The following ZNF813 variants were observed in gnomAD, a reference collection of about 807,000 sequenced individuals.
ZNF813 encodes the protein zinc finger protein 813.
A neutral mutation model predicts 7.2 loss-of-function variants in ZNF813; 3 were observed. The ratio of observed to expected loss-of-function variants is 0.42; its 90% CI spans 0.19 to 1.08. ZNF813 has a LOEUF of 1.08. Among genes scored for constraint, ZNF813 ranks in the 50% least tolerant of loss-of-function variants. ZNF813 has a pLI of 0.30. For missense variants in ZNF813, 714 were observed against 753.3 expected, an observed-to-expected ratio of 0.95 and a Z score of 0.61; for synonymous variants, 227 against 256.3, an observed-to-expected ratio of 0.89 and a Z score of 1.09.
In ZNF813 at chr19:53,483,761, A is replaced by C; in HGVS notation, c.-62A>C. 6.2e-7 allele frequency: 1 copy of C among 1,611,012 alleles called. No homozygotes were observed. On this transcript the variant is annotated 5_prime_UTR_variant, in exon 2 of 4. Coordinates refer to ENST00000396403, the MANE Select transcript of ZNF813 (RefSeq NM_001004301.4). ...TTTCTAACATTCAGGATTGACTTCTAAAGACTCTTGGTATGTGAGGAAGAA... is the reference window on the plus strand; with the variant it reads ...TTTCTAACATTCAGGATTGACTTCTCAAGACTCTTGGTATGTGAGGAAGAA...
rs573472368 is a variant in ZNF813 at position 53,491,405 on chromosome 19, C to T, written c.1173C>T (p.Thr391=). 9.9e-6 allele frequency: 16 copies of T among 1,612,612 alleles called. No homozygotes were observed. The highest frequency in any genetic ancestry group is 1.7e-5 in the Admixed American group (1 of 59,868). ...ATAAGTGTAATGAATGTGGCAAGAC[C>T]TTCAGTCAGGAGTTAACCCTTAAAT... The part of the protein sequence containing the change: ...KPYKCNECGK[T]FSQELTLKCH... Residue 391 remains threonine (T), a synonymous_variant, in exon 4 of 4, where the codon ACC becomes ACT. Coordinates refer to ENST00000396403, the MANE Select transcript of ZNF813 (RefSeq NM_001004301.4).
At chr19:53,488,514 T>C (rs2086444319) in intron 3 of ZNF813, among the ~76,000 whole-genome samples, 1 of 151,758 alleles carries the variant, frequency 6.6e-6, no homozygotes, top group South Asian at 2.1e-4. Context: ...GTTCAAGTGA[T>C]TTTCCTGCCT....
Position 53,492,630 on chromosome 19 carries a change from T to A in ZNF813, c.*544T>A, listed in dbSNP as rs917795973. 6 of 742,236 alleles carry A rather than the reference T, an allele frequency of 8.1e-6. No individual in the cohort carries two copies. In the Admixed American group the frequency reaches 1.2e-4, roughly 14 times the overall value. 46.0% of individuals were successfully genotyped at this position (742,236 alleles called of 1,614,324 possible). ...TCCATGGTGAAGGAAACTTGACTAA[T>A]GTAATGATTGTCACCAAGTCTTCAG... is the stretch of plus-strand genomic sequence containing the variant. On this transcript the variant is annotated 3_prime_UTR_variant, in exon 4 of 4. Transcript: ENST00000396403.
intron 2 of ZNF813, among the ~76,000 whole-genome samples, chr19:53,486,371 T>TG (rs1233307791): frequency 6.6e-6 from 1 of 150,846 alleles, no homozygotes; most frequent in African/African-American, 2.4e-5. Flanking sequence ...CGCTTGATCC[T>TG]GGGAGGTGGA....
Position 53,492,357 on chromosome 19 carries a change from T to C in ZNF813, c.*271T>C. 1.7e-6 allele frequency: 1 copy of C among 577,794 alleles called. No homozygotes were observed. Among genetic ancestry groups the C allele is most frequent in the Non-Finnish European group, 3.1e-6 (1 of 323,758 alleles). The allele number at this position is 577,794 out of a possible 1,614,324, so 35.8% of individuals were successfully genotyped here. On this transcript the variant is annotated 3_prime_UTR_variant, in exon 4 of 4. Coordinates refer to ENST00000396403, the MANE Select transcript of ZNF813 (RefSeq NM_001004301.4). ...GAGCCTCAAAAGACAGGAGAATTCATACTGGAGAGAAAGCTTACAAAGGTG... is the reference window on the plus strand; with the variant it reads ...GAGCCTCAAAAGACAGGAGAATTCACACTGGAGAGAAAGCTTACAAAGGTG...
intron 1 of ZNF813, chr19:53,479,389 A>G: frequency 1.3e-6 from 2 of 1,590,744 alleles, no homozygotes; most frequent in Admixed American, 1.7e-5. Context: ...GAAGCGCAAG[A>G]TCCAGGTTCT....
intron 1 of ZNF813, among the ~76,000 whole-genome samples, chr19:53,478,317 G>A (rs913172396): frequency 2.0e-5 from 3 of 152,020 alleles, no homozygotes; most frequent in African/African-American, 7.3e-5. Flanking sequence ...CCACAGGCGT[G>A]AGCCACCAAG....
rs2086476657 is a variant in ZNF813 at position 53,494,217 on chromosome 19, C to T, written c.*2131C>T. On this transcript the variant is annotated 3_prime_UTR_variant, in exon 4 of 4. Transcript: ENST00000396403. ...TCTTCAAGAAGTTCATGGAAAAATA[C>T]ATATTTTGCATATTATGAGAAAATT... The T allele has an allele frequency of 6.6e-6, 1 of 152,174 alleles. No individual in the cohort carries two copies. The highest frequency in any genetic ancestry group is 2.1e-4 in the South Asian group (1 of 4,832). 9.4% of individuals were successfully genotyped at this position (152,174 alleles called of 1,614,324 possible).
chr19:53,483,970 C>T, intron 2 of ZNF813, 133 bp downstream of exon 2: 2 of 1,561,756 alleles, frequency 1.3e-6, no homozygotes, highest in Non-Finnish European at 1.8e-6. Flanking sequence ...TGCCTTCCCT[C>T]AGTCCCTCTT....
rs771264817 is a variant in ZNF813 at position 53,491,619 on chromosome 19, G to A, written c.1387G>A (p.Gly463Arg). ...TGTAATTCATAAGGCTATTCATATT[G>A]GAGAGAAACGTTACAAGTGTAATGA... ...ALVIHKAIHI[G>R]EKRYKCNECG... The change falls in exon 4 of 4, where the codon GGA (glycine) becomes AGA (arginine). Residue 463 changes from glycine (G) to arginine (R), a missense_variant. Coordinates refer to ENST00000396403, the MANE Select transcript of ZNF813 (RefSeq NM_001004301.4). 9 of 1,613,672 alleles carry A rather than the reference G, an allele frequency of 5.6e-6. No individual in the cohort carries two copies. In the African/African-American group the frequency reaches 1.2e-4, roughly 22 times the overall value.
At chr19:53,469,648 AG>A (rs1232889431) in intron 1 of ZNF813, among the ~76,000 whole-genome samples, 12 of 151,884 alleles carry the variant, frequency 7.9e-5, no homozygotes, top group Non-Finnish European at 1.3e-4. Context: ...AGGTAGGGAG[AG>A]GGGCAGCAAA....
At chr19:53,479,354 C>T (rs938235398) in intron 1 of ZNF813, 34 of 1,590,392 alleles carry the variant, frequency 2.1e-5, no homozygotes, top group Non-Finnish European at 2.9e-5. Context: ...GGCACCATGG[C>T]TGGGATCACC....
chr19:53,474,613 C>T (rs142069753), intron 1 of ZNF813, among the ~76,000 whole-genome samples: 4,459 of 151,962 alleles, frequency 0.029, 139 homozygotes, highest in African/African-American at 0.078. Context: ...CACTTGAACC[C>T]GGGAAGCAGA....
In ZNF813 at chr19:53,491,690, G is replaced by C; in HGVS notation, c.1458G>C (p.Thr486=). ...FSRISALVIH[T]AIHTGEKPYK... is the part of the protein sequence containing the mutation. ...GAATTTCAGCCCTCGTAATTCATAC[G>C]GCAATTCATACTGGAGAGAAACCTT... The change falls in exon 4 of 4, where the codon ACG becomes ACC. Residue 486 remains threonine, a synonymous_variant. Coordinates refer to ENST00000396403, the MANE Select transcript of ZNF813 (RefSeq NM_001004301.4). 1 of 1,612,168 alleles carries C rather than the reference G, an allele frequency of 6.2e-7. No homozygotes were observed.
intron 1 of ZNF813, among the ~76,000 whole-genome samples, chr19:53,470,930 T>C (rs2617704): frequency 0.35 from 52,441 of 151,746 alleles, 9,312 homozygotes; most frequent in African/African-American, 0.41. Context: ...TCATTAGTGA[T>C]GATTTCAAGT....
intron 2 of ZNF813, 119 bp from the exon 3 acceptor site, chr19:53,486,513 G>C: frequency 1.3e-6 from 2 of 1,582,610 alleles, no homozygotes; most frequent in East Asian, 2.2e-5. Context: ...CCCTTACTCG[G>C]ATTTGTCAGA....
chr19:53,473,927 C>T (rs1021194662), intron 1 of ZNF813, among the ~76,000 whole-genome samples: 5 of 152,170 alleles, frequency 3.3e-5, no homozygotes, highest in Admixed American at 6.5e-5. Flanking sequence ...AGGTGAGTTT[C>T]TTGGCAGTAT....
chr19:53,489,757 G>A (rs1184960445), intron 3 of ZNF813, among the ~76,000 whole-genome samples: 3 of 152,084 alleles, frequency 2.0e-5, no homozygotes, highest in Non-Finnish European at 4.4e-5. Flanking sequence ...GAAGTACAGT[G>A]TTGCAATCTC....
chr19:53,490,015 C>T (rs1282753108), intron 3 of ZNF813, among the ~76,000 whole-genome samples: 1 of 152,082 alleles, frequency 6.6e-6, no homozygotes, highest in Non-Finnish European at 1.5e-5. Context: ...TTGTATACAG[C>T]AAATATGCTG....
Sources: allele counts gnomAD v4.1 joint callset (sites outside exome capture counted in the v4.1 genomes callset), GRCh38; gene constraint gnomAD v4.1.1; transcripts MANE v1.5; gene names NCBI Gene and HGNC (gene_info 2026-07-23, HGNC 2026-07-21).